The following LRRK2 variants were observed in gnomAD, a reference collection of about 807,000 sequenced individuals.
The protein encoded by LRRK2 is leucine rich repeat kinase 2.
In LRRK2, 203 loss-of-function variants were observed where a neutral mutation model predicts 302.6. That is an observed-to-expected ratio of 0.67 (90% CI 0.60 to 0.75). The LOEUF (loss-of-function observed/expected upper bound fraction) is 0.75. Ranked by LOEUF, LRRK2 falls within the 30% of genes least tolerant of loss-of-function variation. LRRK2 has a pLI of 0.00. For synonymous variants in LRRK2, 1,066 were observed against 1,031.9 expected (o/e 1.03, Z -0.63); for missense variants, 2,830 against 2,951.0 (o/e 0.96, Z 0.95).
At chr12:40,338,986 G>C (rs1195380603) in intron 40 of LRRK2, among the ~76,000 whole-genome samples, 1 of 152,096 alleles carries the variant, frequency 6.6e-6, no homozygotes, top group Non-Finnish European at 1.5e-5. Context: ...GCCCAAAATA[G>C]GTATATTGAA....
chr12:40,350,934 A>G (rs968964700), intron 43 of LRRK2, among the ~76,000 whole-genome samples: 1 of 152,240 alleles, frequency 6.6e-6, no homozygotes, highest in African/African-American at 2.4e-5. Flanking sequence ...TAGGCAAGAC[A>G]GGAAAACTCA....
intron 11 of LRRK2, among the ~76,000 whole-genome samples, chr12:40,255,110 G>A (rs1942443112): frequency 2.6e-5 from 4 of 152,200 alleles, no homozygotes. Flanking sequence ...TCCCAAGTGT[G>A]TAGTGTCTGT....
At chr12:40,299,364 A>G in intron 25 of LRRK2, 107 bp downstream of exon 25, 3 of 1,221,296 alleles carry the variant, frequency 2.5e-6, no homozygotes, top group Non-Finnish European at 3.6e-6. Context: ...TTTCAGTTTA[A>G]ATATTATGCT....
At position 40,354,250 on chromosome 12, in the gene LRRK2, G is replaced by T. The variant is rs142692127; in HGVS notation, c.6577-49G>T. On this transcript the variant is annotated intron_variant, in intron 44 of 50. Transcript: ENST00000298910. ...CCTTTATTCTGTACAAGTTCTAGTT[G>T]CTTAAGCTTAAATCAAATCCTGCTA... is the stretch of plus-strand genomic sequence containing the variant. The T allele has an allele frequency of 2.5e-5, 38 of 1,510,430 alleles. 1 individual carries two copies. In the African/African-American group the frequency reaches 4.7e-4, roughly 19 times the overall value. The allele number at this position is 1,510,430 out of a possible 1,614,324, so 93.6% of individuals were successfully genotyped here.
chr12:40,318,369 AT>A (rs781513538), intron 33 of LRRK2, among the ~76,000 whole-genome samples: 1 of 152,122 alleles, frequency 6.6e-6, no homozygotes, highest in Non-Finnish European at 1.5e-5. Flanking sequence ...TCTTTAAAAA[AT>A]AAGTGTATCT....
At chr12:40,310,301 T>G (rs1405056158) in intron 30 of LRRK2, 130 bp from the exon 31 acceptor site, 3 of 876,378 alleles carry the variant, frequency 3.4e-6, no homozygotes, top group Non-Finnish European at 5.7e-6. Context: ...AGTTGTTCTT[T>G]TCTTCTTCTG....
chr12:40,245,249 C>T (rs1360375149), intron 7 of LRRK2, among the ~76,000 whole-genome samples: 1 of 151,798 alleles, frequency 6.6e-6, no homozygotes, highest in Non-Finnish European at 1.5e-5. Flanking sequence ...AACCCAATTC[C>T]CCCTCTTTTT....
chr12:40,270,809 CAT>C (rs1343020588), intron 14 of LRRK2, among the ~76,000 whole-genome samples: 3 of 151,982 alleles, frequency 2.0e-5, no homozygotes, highest in African/African-American at 7.3e-5. Flanking sequence ...TACACGAATA[CAT>C]ATACATGGTA....
In LRRK2 at chr12:40,294,901, A is replaced by G. The variant is rs906780111; in HGVS notation, c.2865A>G (p.Ser955=). The G allele has an allele frequency of 6.5e-7, 1 of 1,541,266 alleles. No individual in the cohort carries two copies. The highest frequency in any genetic ancestry group is 2.3e-5 in the East Asian group (1 of 44,198). The stretch of plus-strand genomic sequence containing the variant: ...AGCGAAAAAGAAAAATATTATCTTC[A>G]GATGATTCACTCAGTAAGTATTTGG... ...LLKRKRKILS[S]DDSLRSSKLQ... Residue 955 remains serine (S), a synonymous_variant, in exon 22 of 51, where the codon TCA becomes TCG. Transcript: ENST00000298910.
At chr12:40,301,573 G>GTA (rs1944627660) in intron 25 of LRRK2, among the ~76,000 whole-genome samples, 1 of 152,200 alleles carries the variant, frequency 6.6e-6, no homozygotes, top group Non-Finnish European at 1.5e-5. Flanking sequence ...AATAGGTGAG[G>GTA]TATAATAGCT....
intron 2 of LRRK2, chr12:40,227,903 G>T (rs1335154287): frequency 6.6e-6 from 1 of 151,970 alleles, no homozygotes; most frequent in Middle Eastern, 3.2e-3. Context: ...ATGGAGTCTT[G>T]CTATGTTGCC....
intron 47 of LRRK2, among the ~76,000 whole-genome samples, chr12:40,360,923 G>A (rs1209472642): frequency 2.0e-5 from 3 of 152,070 alleles, no homozygotes; most frequent in Non-Finnish European, 4.4e-5. Flanking sequence ...GGCAGGTTAG[G>A]TGACTTTGTG....
At position 40,307,168 on chromosome 12, in the gene LRRK2, G is replaced by A. The variant is rs767791981; in HGVS notation, c.3959+1202G>A. ...AGGCATCATTTGCTTTTTGAAGAAA[G>A]ACATTTTTTCAAATAGTGGTGCATT... is the stretch of plus-strand genomic sequence containing the variant. On this transcript the variant is annotated intron_variant, in intron 28 of 50. Coordinates refer to ENST00000298910, the MANE Select transcript of LRRK2 (RefSeq NM_198578.4). Among the ~76,000 whole-genome samples, 4 of 151,904 alleles carry A rather than the reference G, an allele frequency of 2.6e-5. No homozygotes were observed. The East Asian group carries it at 7.7e-4, about 29-fold the overall frequency.
At chr12:40,233,938 C>G (rs563084039) in intron 3 of LRRK2, among the ~76,000 whole-genome samples, 1 of 152,328 alleles carries the variant, frequency 6.6e-6, no homozygotes, top group African/African-American at 2.4e-5. Context: ...AGAAGATAGA[C>G]ACACTGCTGT....
rs1060499538 is a variant in LRRK2 at position 40,364,927 on chromosome 12, A to G, written c.7267A>G (p.Thr2423Ala). The change falls in exon 49 of 51, where the codon ACT becomes GCT. Residue 2423 changes from threonine to alanine, a missense_variant. Transcript: ENST00000298910. ...RVKTLCLQKN[T>A]ALWIGTGGGH... ...GAAAACCCTCTGCCTTCAGAAGAACACTGCTCTTTGGATAGGAACTGGAGG... is the reference window on the plus strand; with the variant it reads ...GAAAACCCTCTGCCTTCAGAAGAACGCTGCTCTTTGGATAGGAACTGGAGG... 4.3e-6 allele frequency: 7 copies of G among 1,612,638 alleles called. No individual in the cohort carries two copies. The highest frequency in any genetic ancestry group is 5.9e-6 in the Non-Finnish European group (7 of 1,179,108).
At chr12:40,328,289 C>A in intron 38 of LRRK2, 71 bp from the exon 39 acceptor site, 1 of 1,145,638 alleles carries the variant, frequency 8.7e-7, no homozygotes, top group Non-Finnish European at 1.3e-6. Context: ...ATAATTACAA[C>A]AGATATAATT....
At chr12:40,329,366 T>C (rs1945643312) in intron 39 of LRRK2, among the ~76,000 whole-genome samples, 1 of 152,288 alleles carries the variant, frequency 6.6e-6, no homozygotes, top group Non-Finnish European at 1.5e-5. Flanking sequence ...TGAGGAAAAT[T>C]AACGCTATTC....
intron 39 of LRRK2, among the ~76,000 whole-genome samples, chr12:40,334,562 T>TA (rs957804808): frequency 6.6e-6 from 1 of 152,160 alleles, no homozygotes; most frequent in African/African-American, 2.4e-5. Context: ...GTATTTTATT[T>TA]AAAAAATCAT....
Position 40,310,519 on chromosome 12 carries a change from T to A in LRRK2, c.4406T>A (p.Ile1469Asn). ...CAACGCAAAGCCTGCATGAGTAAAA[T>A]CACCAAGGAACTCCTGAATAAGCGA... is the stretch of plus-strand genomic sequence containing the variant. ...EKQRKACMSK[I>N]TKELLNKRGF... is the part of the protein sequence containing the mutation. The change falls in exon 31 of 51, where the codon ATC becomes AAC. Residue 1469 changes from isoleucine (I) to asparagine (N), a missense_variant. Physicochemically the swap from Ile to Asn is moderately radical, Grantham distance 149. Transcript: ENST00000298910. 6.2e-7 allele frequency: 1 copy of A among 1,612,672 alleles called. No individual in the cohort carries two copies. Among genetic ancestry groups the A allele is most frequent in the African/African-American group, 1.3e-5 (1 of 74,528 alleles).
Sources: gnomAD v4.1 joint callset for allele counts (sites outside exome capture counted in the v4.1 genomes callset) on GRCh38, gnomAD v4.1.1 for gene constraint, MANE v1.5 for transcripts, NCBI Gene and HGNC (gene_info 2026-07-23, HGNC 2026-07-21) for gene names.